Variants in GRIK4 observed in about 807,000 individuals in gnomAD.
The protein encoded by GRIK4 is glutamate receptor ionotropic, kainate 4.
In GRIK4, 40 loss-of-function variants were observed where a neutral mutation model predicts 104.9. The observed-to-expected ratio is 0.38, with a 90% CI of 0.30 to 0.50. GRIK4 has a LOEUF of 0.50. Ranked by LOEUF, GRIK4 falls within the 20% of genes least tolerant of loss-of-function variation. The pLI is 0.93. For missense variants in GRIK4, 1,047 were observed against 1,308.1 expected (o/e 0.80, Z 3.08); for synonymous variants, 485 against 524.9 (o/e 0.92, Z 1.04).
At chr11:120,536,024 G>A (rs1298667587) in intron 1 of GRIK4, among the ~76,000 whole-genome samples, 2 of 152,238 alleles carry the variant, frequency 1.3e-5, no homozygotes, top group Admixed American at 6.5e-5. Flanking sequence ...GTAGACACAG[G>A]TGAACTCTCA....
At chr11:120,518,299 C>A (rs996821173) in intron 1 of GRIK4, among the ~76,000 whole-genome samples, 2 of 152,202 alleles carry the variant, frequency 1.3e-5, no homozygotes, top group Admixed American at 6.5e-5. Flanking sequence ...GTGCTGAGCA[C>A]GAGTCCGTGG....
At position 120,524,234 on chromosome 11, in the gene GRIK4, T is replaced by A. The variant is rs1291507754; in HGVS notation, c.-159+12347T>A. 2.6e-5 allele frequency among the ~76,000 whole-genome samples: 4 copies of A among 152,328 alleles called. No individual in the cohort carries two copies. The highest frequency in any genetic ancestry group is 9.6e-5 in the African/African-American group (4 of 41,582). ...GCCACCGCGTCTGGCCGTTTCTGCATTCTTTCCCCAACAACCAGAACAGCA... is the reference window on the plus strand; with the variant it reads ...GCCACCGCGTCTGGCCGTTTCTGCAATCTTTCCCCAACAACCAGAACAGCA... On this transcript the variant is annotated intron_variant, in intron 1 of 20. Coordinates refer to ENST00000527524, the MANE Select transcript of GRIK4 (RefSeq NM_014619.5). The surrounding 1 kb of genome is among the most constrained non-coding windows in gnomAD (Gnocchi z 4.5).
chr11:120,981,890 T>C (rs377218543), intron 19 of GRIK4, among the ~76,000 whole-genome samples: 1 of 152,206 alleles, frequency 6.6e-6, no homozygotes, highest in Non-Finnish European at 1.5e-5. Flanking sequence ...AAGATCTCTC[T>C]CTTCCATTTT....
intron 1 of GRIK4, among the ~76,000 whole-genome samples, chr11:120,559,948 C>A (rs993843334): frequency 6.6e-5 from 10 of 152,120 alleles, no homozygotes; most frequent in African/African-American, 2.2e-4. Context: ...TTGAGGTCTT[C>A]TGGTTTCCTT....
At position 120,953,722 on chromosome 11, in the gene GRIK4, C is replaced by G. The variant is rs1248711565; in HGVS notation, c.1700+758C>G. Reference sequence around the variant, plus strand: ...TGTGGCCTCCCAAGACTGTGCACAGCAAAGGTAGTTTCGCTCCAGGCCAAG... The same window carrying G: ...TGTGGCCTCCCAAGACTGTGCACAGGAAAGGTAGTTTCGCTCCAGGCCAAG... On this transcript the variant is annotated intron_variant, in intron 15 of 20. Transcript: ENST00000527524. The surrounding 1 kb of genome is among the most constrained non-coding windows in gnomAD (Gnocchi z 4.9). Among the ~76,000 whole-genome samples, 3 of 152,198 alleles carry G rather than the reference C, an allele frequency of 2.0e-5. No homozygotes were observed. Among genetic ancestry groups the G allele is most frequent in the Non-Finnish European group, 4.4e-5 (3 of 68,032 alleles).
intron 18 of GRIK4, among the ~76,000 whole-genome samples, chr11:120,966,414 C>G (rs1031559747): frequency 6.6e-6 from 1 of 152,132 alleles, no homozygotes; most frequent in Non-Finnish European, 1.5e-5. Flanking sequence ...ATTCTGTTGC[C>G]GAGGCTGGAG....
intron 3 of GRIK4, among the ~76,000 whole-genome samples, chr11:120,719,269 T>G (rs1950890034): frequency 6.6e-6 from 1 of 152,224 alleles, no homozygotes; most frequent in Non-Finnish European, 1.5e-5. Flanking sequence ...TAGCAACTTC[T>G]ACAGCCACAC....
intron 2 of GRIK4, among the ~76,000 whole-genome samples, chr11:120,654,487 C>T (rs772207451): frequency 2.7e-4 from 41 of 152,102 alleles, no homozygotes; most frequent in Non-Finnish European, 3.4e-4. Context: ...CTCAGCCTCC[C>T]GAGTAGCTGG....
intron 11 of GRIK4, among the ~76,000 whole-genome samples, chr11:120,884,741 G>A (rs1485408168): frequency 6.6e-6 from 1 of 152,228 alleles, no homozygotes; most frequent in Non-Finnish European, 1.5e-5. Flanking sequence ...TCAGACAAGA[G>A]CTGCCGACAC....
chr11:120,790,225 C>A (rs1952368165), intron 3 of GRIK4, among the ~76,000 whole-genome samples: 1 of 152,098 alleles, frequency 6.6e-6, no homozygotes, highest in East Asian at 1.9e-4. Context: ...ATACATAGTG[C>A]CTTGCTTAAG....
intron 1 of GRIK4, among the ~76,000 whole-genome samples, chr11:120,639,293 A>G (rs1001485177): frequency 6.6e-6 from 1 of 152,252 alleles, no homozygotes; most frequent in Non-Finnish European, 1.5e-5. Context: ...ATTCAGCTGC[A>G]TCAGGGGCGC....
At chr11:120,755,172 G>A (rs537677428) in intron 3 of GRIK4, among the ~76,000 whole-genome samples, 1 of 152,306 alleles carries the variant, frequency 6.6e-6, no homozygotes, top group South Asian at 2.1e-4. Context: ...GGCCCTGGGG[G>A]TAGAGAGGTG....
At chr11:120,568,518 G>A (rs1948359155) in intron 1 of GRIK4, among the ~76,000 whole-genome samples, 1 of 152,200 alleles carries the variant, frequency 6.6e-6, no homozygotes, top group South Asian at 2.1e-4. Context: ...CTCCCAGGTA[G>A]CTGGGACCAT....
At chr11:120,707,777 A>AG (rs1950655363) in intron 3 of GRIK4, among the ~76,000 whole-genome samples, 1 of 152,162 alleles carries the variant, frequency 6.6e-6, no homozygotes, top group South Asian at 2.1e-4. Context: ...TGCTGGCTAC[A>AG]GGCTGGAGGT....
At chr11:120,855,719 C>T (rs949420790) in intron 8 of GRIK4, among the ~76,000 whole-genome samples, 8 of 152,264 alleles carry the variant, frequency 5.3e-5, no homozygotes, top group African/African-American at 7.2e-5. Context: ...CACACAACCA[C>T]GCCCAGCTAA....
In GRIK4 at chr11:120,825,028, G is replaced by A. The variant is rs191794006; in HGVS notation, c.511+5108G>A. Among the ~76,000 whole-genome samples, 29 of 152,068 alleles carry A rather than the reference G, an allele frequency of 1.9e-4. 1 individual carries two copies. The highest frequency in any genetic ancestry group is 3.9e-4 in the Admixed American group (6 of 15,268). On this transcript the variant is annotated intron_variant, in intron 6 of 20. Transcript: ENST00000527524. Reference sequence around the variant, plus strand: ...CAACCTCTGCTTCCTGGGTTCAAGCGATTCTCCTGCCTCACCCTCCCGAGT... The same window carrying A: ...CAACCTCTGCTTCCTGGGTTCAAGCAATTCTCCTGCCTCACCCTCCCGAGT...
Position 120,986,299 on chromosome 11 carries a change from G to T in GRIK4, c.*39G>T. 2.0e-6 allele frequency: 2 copies of T among 1,010,936 alleles called. No homozygotes were observed. The highest frequency in any genetic ancestry group is 2.9e-5 in the East Asian group (1 of 34,448). 62.6% of individuals were successfully genotyped at this position (1,010,936 alleles called of 1,614,324 possible). A position where few individuals can be genotyped will look rare whatever the true frequency, so the allele number is the denominator to read the frequency against. ...AGGACGCGCAGAGGCCGGGCGGGGC[G>T]GGAGGGGAGGGGCGGGGCGGGCGCT... On this transcript the variant is annotated 3_prime_UTR_variant, in exon 21 of 21. Coordinates refer to ENST00000527524, the MANE Select transcript of GRIK4 (RefSeq NM_014619.5).
In GRIK4 at chr11:120,695,981, G is replaced by A. The variant is rs545866069; in HGVS notation, c.82+35581G>A. Reference sequence around the variant, plus strand: ...GGCTCTCACATGCCTCCTCCCAGGGGCCTCGTGACCTTCTCTTCCTAGGAG... The same window carrying A: ...GGCTCTCACATGCCTCCTCCCAGGGACCTCGTGACCTTCTCTTCCTAGGAG... On this transcript the variant is annotated intron_variant, in intron 3 of 20. Transcript: ENST00000527524. Among the ~76,000 whole-genome samples the A allele has an allele frequency of 3.9e-5, 6 of 152,252 alleles. No individual in the cohort carries two copies. In the South Asian group the frequency reaches 1.2e-3, roughly 32 times the overall value.
chr11:120,642,714 C>T (rs1419670741), intron 1 of GRIK4, among the ~76,000 whole-genome samples: 1 of 152,194 alleles, frequency 6.6e-6, no homozygotes, highest in Non-Finnish European at 1.5e-5. Context: ...GGCTCAGCCA[C>T]GGCCAGCAGC....
Sources: allele counts gnomAD v4.1 joint callset (sites outside exome capture counted in the v4.1 genomes callset), GRCh38; gene constraint gnomAD v4.1.1; non-coding constraint Gnocchi (gnomAD v3.1); transcripts MANE v1.5; gene names NCBI Gene and HGNC (gene_info 2026-07-23, HGNC 2026-07-21).